The following JAZF1 variants were observed in gnomAD, a reference collection of about 807,000 sequenced individuals.
The protein encoded by JAZF1 is juxtaposed with another zinc finger protein 1.
A neutral mutation model predicts 26.4 loss-of-function variants in JAZF1; 8 were observed. The ratio of observed to expected loss-of-function variants is 0.30; its 90% CI spans 0.18 to 0.55. The LOEUF (loss-of-function observed/expected upper bound fraction) is 0.55, where lower values mean the gene tolerates loss of function less well. Ranked by LOEUF, JAZF1 falls within the 20% of genes least tolerant of loss-of-function variation. JAZF1 has a pLI of 0.94. For missense variants in JAZF1, 199 were observed against 322.0 expected (o/e 0.62, Z 2.92); for synonymous variants, 126 against 122.3 (o/e 1.03, Z -0.20).
chr7:27,898,304 T>TATATATATATAC lies in JAZF1; in HGVS notation c.189-2889_189-2888insGTATATATATAT, dbSNP rs375859244. On this transcript the variant is annotated intron_variant, in intron 2 of 4. Transcript: ENST00000283928. ...TCTAACTCATATATATATATATATATACATCGGTTTTTTTTTTTTTTTTTT... is the reference window on the plus strand; with the variant it reads ...TCTAACTCATATATATATATATATATATATATATATACACATCGGTTTTTTTTTTTTTTTTTT... Among the ~76,000 whole-genome samples the TATATATATATAC allele has an allele frequency of 3.5e-4, 45 of 128,858 alleles. 2 individuals carry two copies. The highest frequency in any genetic ancestry group is 2.2e-3 in the South Asian group (9 of 4,178). The allele number at this position is 128,858 out of a possible 152,430, so 84.5% of individuals were successfully genotyped here.
chr7:28,018,248 G>A (rs117372770), intron 1 of JAZF1, among the ~76,000 whole-genome samples: 1 of 152,216 alleles, frequency 6.6e-6, no homozygotes, highest in Non-Finnish European at 1.5e-5. Context: ...CACAGGCCTG[G>A]AGGCGGAAAT....
chr7:27,931,678 C>T (rs1050674637), intron 2 of JAZF1, among the ~76,000 whole-genome samples: 3 of 152,066 alleles, frequency 2.0e-5, no homozygotes, highest in African/African-American at 7.2e-5. Flanking sequence ...ATTAGCTGGG[C>T]GTGTTGGTGC....
intron 3 of JAZF1, among the ~76,000 whole-genome samples, chr7:27,857,046 G>T (rs141664172): frequency 1.3e-5 from 2 of 152,238 alleles, no homozygotes; most frequent in Admixed American, 1.3e-4. Flanking sequence ...GTCCCGCGCC[G>T]TGTGCCTGCA....
intron 1 of JAZF1, among the ~76,000 whole-genome samples, chr7:27,998,685 A>C (rs1182093547): frequency 6.6e-6 from 1 of 152,220 alleles, no homozygotes; most frequent in Non-Finnish European, 1.5e-5. Context: ...AAATATCTAA[A>C]AGTCAGGGAC....
chr7:27,931,859 G>A (rs948848852), intron 2 of JAZF1, among the ~76,000 whole-genome samples: 2 of 152,046 alleles, frequency 1.3e-5, no homozygotes, highest in African/African-American at 4.8e-5. Flanking sequence ...GTTGCAGTGA[G>A]CCAAGATCGC....
In JAZF1 at chr7:27,832,685, G is replaced by T; in HGVS notation, c.*115C>A. ...AAATTACAGAAAAAATTTAAAGCAT[G>T]CATTTAATTCTTTTTCTTTAAAGGG... On this transcript the variant is annotated 3_prime_UTR_variant, in exon 5 of 5. Transcript: ENST00000283928. 1 of 787,472 alleles carries T rather than the reference G, an allele frequency of 1.3e-6. No homozygotes were observed. Among genetic ancestry groups the T allele is most frequent in the Non-Finnish European group, 1.9e-6 (1 of 513,310 alleles). The allele number at this position is 787,472 out of a possible 1,614,324, so 48.8% of individuals were successfully genotyped here. A position where few individuals can be genotyped will look rare whatever the true frequency, so the allele number is the denominator to read the frequency against.
rs558888237 is a variant in JAZF1, at chr7:28,125,745, CCT to C, written c.115+54716_115+54717del. On this transcript the variant is annotated intron_variant, in intron 1 of 4. Coordinates refer to ENST00000283928, the MANE Select transcript of JAZF1 (RefSeq NM_175061.4). ...CTGGCATTTTCCTGTACCTGTCCTC[CCT>C]GTCCCACCTCACCACCACCCTCACT... Among the ~76,000 whole-genome samples, 44 of 152,286 alleles carry C rather than the reference CCT, an allele frequency of 2.9e-4. 1 individual carries two copies. The highest frequency in any genetic ancestry group is 6.8e-3 in the Middle Eastern group (2 of 294).
chr7:27,961,732 A>G (rs1173484563), intron 2 of JAZF1, among the ~76,000 whole-genome samples: 3 of 152,200 alleles, frequency 2.0e-5, no homozygotes, highest in African/African-American at 7.2e-5. Context: ...AGTCAATATA[A>G]AACAAGGAAA....
At position 27,831,495 on chromosome 7, in the gene JAZF1, A is replaced by G. The variant is rs912285019; in HGVS notation, c.*1305T>C. On this transcript the variant is annotated 3_prime_UTR_variant, in exon 5 of 5. Transcript: ENST00000283928. ...TCAAGGCATGATGGTACTGTCGGTG[A>G]GGAAAAACTTAAGGAATGGTCCAGA... is the stretch of plus-strand genomic sequence containing the variant. 1 of 229,180 alleles carries G rather than the reference A, an allele frequency of 4.4e-6. No homozygotes were observed. Among genetic ancestry groups the G allele is most frequent in the Non-Finnish European group, 8.7e-6 (1 of 115,252 alleles). The allele number at this position is 229,180 out of a possible 1,614,324, so 14.2% of individuals were successfully genotyped here.
intron 1 of JAZF1, 57 bp downstream of exon 1, chr7:28,180,406 C>G: frequency 9.1e-6 from 13 of 1,428,466 alleles, no homozygotes; most frequent in South Asian, 7.1e-5. Flanking sequence ...CGGGGCTCCC[C>G]GCCCGGGCAG....
intron 3 of JAZF1, among the ~76,000 whole-genome samples, chr7:27,864,666 T>C (rs989470860): frequency 5.3e-5 from 8 of 152,198 alleles, no homozygotes; most frequent in African/African-American, 1.7e-4. Context: ...TCCTTTATTG[T>C]TCCCATATGT....
intron 1 of JAZF1, among the ~76,000 whole-genome samples, chr7:28,027,114 G>A (rs951863601): frequency 6.6e-6 from 1 of 152,202 alleles, no homozygotes; most frequent in Non-Finnish European, 1.5e-5. Flanking sequence ...GGAGGGGTGA[G>A]GCCCCTTCTC....
intron 1 of JAZF1, among the ~76,000 whole-genome samples, chr7:28,040,576 G>A (rs1783372845): frequency 6.6e-6 from 1 of 152,160 alleles, no homozygotes; most frequent in Admixed American, 6.5e-5. Flanking sequence ...AGGTGGGAAT[G>A]AGCCAGACAG....
intron 2 of JAZF1, among the ~76,000 whole-genome samples, chr7:27,949,922 C>T (rs772674090): frequency 6.6e-6 from 1 of 152,176 alleles, no homozygotes; most frequent in Non-Finnish European, 1.5e-5. Flanking sequence ...AAAATTATCT[C>T]TCCACTGTCT....
chr7:28,089,917 T>C (rs951317320), intron 1 of JAZF1, among the ~76,000 whole-genome samples: 5 of 152,150 alleles, frequency 3.3e-5, no homozygotes, highest in Admixed American at 6.5e-5. Context: ...TATAGTAAAA[T>C]ACAAGATGAG....
rs117770935 is a variant in JAZF1 at position 27,966,684 on chromosome 7, G to A, written c.188+25225C>T. Among the ~76,000 whole-genome samples, 491 of 152,246 alleles carry A rather than the reference G, an allele frequency of 3.2e-3. 1 individual carries two copies. Among genetic ancestry groups the A allele is most frequent in the Non-Finnish European group, 5.1e-3 (347 of 68,008 alleles). ...TCGTTACTGGTGGCCAAATTTCTCTGGTGGAAAAGGCAGGTTTTCTTTTTC... is the reference window on the plus strand; with the variant it reads ...TCGTTACTGGTGGCCAAATTTCTCTAGTGGAAAAGGCAGGTTTTCTTTTTC... On this transcript the variant is annotated intron_variant, in intron 2 of 4. Coordinates refer to ENST00000283928, the MANE Select transcript of JAZF1 (RefSeq NM_175061.4).
At chr7:28,104,697 TACA>T (rs1479996921) in intron 1 of JAZF1, among the ~76,000 whole-genome samples, 2 of 152,206 alleles carry the variant, frequency 1.3e-5, no homozygotes, top group African/African-American at 4.8e-5. Context: ...TGAGAATTCC[TACA>T]ACATTAGGAT....
chr7:28,031,572 G>T (rs746143859), intron 1 of JAZF1, among the ~76,000 whole-genome samples: 1 of 152,196 alleles, frequency 6.6e-6, no homozygotes, highest in Non-Finnish European at 1.5e-5. Flanking sequence ...ATGTACGTTT[G>T]TGTATGCATA....
chr7:28,105,110 T>C (rs1784530725), intron 1 of JAZF1, among the ~76,000 whole-genome samples: 1 of 152,024 alleles, frequency 6.6e-6, no homozygotes, highest in Non-Finnish European at 1.5e-5. Context: ...TTATGACATG[T>C]CCGGATTTTT....
Sources: allele counts gnomAD v4.1 joint callset (sites outside exome capture counted in the v4.1 genomes callset), GRCh38; gene constraint gnomAD v4.1.1; transcripts MANE v1.5; gene names NCBI Gene and HGNC (gene_info 2026-07-23, HGNC 2026-07-21).